Variants in NELL2 observed in about 807,000 individuals in gnomAD.
NELL2 encodes protein kinase C-binding protein NELL2.
NELL2 carries 41 observed loss-of-function variants against 109.6 expected under a neutral mutation model. That is an observed-to-expected ratio of 0.37 (90% CI 0.29 to 0.49). NELL2 has a LOEUF of 0.49. Ranked by LOEUF, NELL2 falls within the 20% of genes least tolerant of loss-of-function variation. NELL2 has a pLI of 0.98. For missense variants in NELL2, 900 were observed against 1,008.3 expected, an observed-to-expected ratio of 0.89 and a Z score of 1.45; for synonymous variants, 355 against 344.7, an observed-to-expected ratio of 1.03 and a Z score of -0.33.
chr12:44,525,510 A>G (rs1373325573), intron 16 of NELL2, among the ~76,000 whole-genome samples: 1 of 152,196 alleles, frequency 6.6e-6, no homozygotes, highest in African/African-American at 2.4e-5. Flanking sequence ...ACTGGCTCTG[A>G]CAATGCAGAA....
chr12:44,735,425 C>T (rs183320429), intron 9 of NELL2, among the ~76,000 whole-genome samples: 1 of 151,986 alleles, frequency 6.6e-6, no homozygotes, highest in East Asian at 1.9e-4. Flanking sequence ...AGGCTTGAGT[C>T]TCCCTGAAAA....
intron 2 of NELL2, among the ~76,000 whole-genome samples, chr12:44,830,210 C>T (rs1283588265): frequency 6.6e-6 from 1 of 152,094 alleles, no homozygotes; most frequent in African/African-American, 2.4e-5. Flanking sequence ...CAACCTCAGA[C>T]TCCACAAGCA....
intron 12 of NELL2, among the ~76,000 whole-genome samples, chr12:44,671,286 A>G (rs1948130429): frequency 6.6e-6 from 1 of 152,202 alleles, no homozygotes; most frequent in South Asian, 2.1e-4. Context: ...AGGATACTGT[A>G]AAAACAGCGC....
intron 15 of NELL2, among the ~76,000 whole-genome samples, chr12:44,575,368 A>G (rs894433768): frequency 2.0e-5 from 3 of 152,272 alleles, no homozygotes; most frequent in Admixed American, 2.0e-4. Context: ...AGATATTTCT[A>G]CAAACTCCTG....
At chr12:44,850,036 A>G (rs1320234106) in intron 2 of NELL2, among the ~76,000 whole-genome samples, 1 of 152,142 alleles carries the variant, frequency 6.6e-6, no homozygotes, top group African/African-American at 2.4e-5. Flanking sequence ...GTAATATGCT[A>G]AATCTTGTTT....
chr12:44,774,692 T>C (rs1400134844), intron 9 of NELL2, 55 bp downstream of exon 9: 1 of 1,397,570 alleles, frequency 7.2e-7, no homozygotes, highest in Non-Finnish European at 1.0e-6. Context: ...GAATACTTAT[T>C]AATACAGTGC....
At chr12:44,783,805 A>C (rs1942056097) in intron 3 of NELL2, among the ~76,000 whole-genome samples, 1 of 152,062 alleles carries the variant, frequency 6.6e-6, no homozygotes, top group African/African-American at 2.4e-5. Context: ...AGAGAGAAAA[A>C]CTACTAAATT....
At chr12:44,846,525 C>G (rs1471015069) in intron 2 of NELL2, among the ~76,000 whole-genome samples, 2 of 152,224 alleles carry the variant, frequency 1.3e-5, no homozygotes, top group Non-Finnish European at 2.9e-5. Flanking sequence ...AATGTTGCTA[C>G]TGCACCCTAT....
At chr12:44,560,300 T>A (rs1353898514) in intron 15 of NELL2, among the ~76,000 whole-genome samples, 1 of 152,054 alleles carries the variant, frequency 6.6e-6, no homozygotes, top group African/African-American at 2.4e-5. Flanking sequence ...ATTCAAAAGC[T>A]AGCAGAAGAC....
At chr12:44,690,316 G>A (rs1948860393) in intron 12 of NELL2, among the ~76,000 whole-genome samples, 1 of 152,096 alleles carries the variant, frequency 6.6e-6, no homozygotes, top group African/African-American at 2.4e-5. Context: ...GAATTAGATA[G>A]CCACTAAATT....
At chr12:44,572,696 A>G (rs151337777) in intron 15 of NELL2, among the ~76,000 whole-genome samples, 345 of 152,334 alleles carry the variant, frequency 2.3e-3, no homozygotes, top group African/African-American at 7.3e-3. Flanking sequence ...TTTAGACGGT[A>G]GAATGAACAA....
chr12:44,875,504 T>G (rs1193846920), intron 1 of NELL2, 151 bp from the exon 2 acceptor site: 7 of 1,613,938 alleles, frequency 4.3e-6, no homozygotes, highest in Non-Finnish European at 5.9e-6. Context: ...CCGAGAGCCT[T>G]ACCTGAGATC....
intron 12 of NELL2, among the ~76,000 whole-genome samples, chr12:44,700,013 T>C (rs1419626643): frequency 6.6e-6 from 1 of 152,160 alleles, no homozygotes; most frequent in African/African-American, 2.4e-5. Flanking sequence ...AATTGAAGTA[T>C]ATTCAACTAG....
intron 1 of NELL2, among the ~76,000 whole-genome samples, chr12:44,911,715 C>T (rs1382212621): frequency 2.0e-5 from 3 of 151,586 alleles, no homozygotes; most frequent in South Asian, 2.1e-4. Flanking sequence ...ATCCTGCCTT[C>T]GAGTCACCGA....
At chr12:44,763,961 C>T (rs931924792) in intron 9 of NELL2, among the ~76,000 whole-genome samples, 2 of 152,154 alleles carry the variant, frequency 1.3e-5, no homozygotes, top group African/African-American at 4.8e-5. Context: ...ACAGCACAAT[C>T]TTTCTCAGCA....
At chr12:44,707,621 T>C in intron 11 of NELL2, among the ~76,000 whole-genome samples, 1 of 152,264 alleles carries the variant, frequency 6.6e-6, no homozygotes, top group South Asian at 2.1e-4. Flanking sequence ...TCCTAGTGTT[T>C]CCTAAAGTGT....
At chr12:44,747,915 T>A (rs1310816499) in intron 9 of NELL2, among the ~76,000 whole-genome samples, 1 of 152,154 alleles carries the variant, frequency 6.6e-6, no homozygotes, top group Non-Finnish European at 1.5e-5. Flanking sequence ...AACAAAATCC[T>A]TCTCCCGATA....
chr12:44,717,875 G>A (rs570169869), intron 9 of NELL2, among the ~76,000 whole-genome samples: 23 of 152,174 alleles, frequency 1.5e-4, no homozygotes, highest in Admixed American at 1.3e-4. Flanking sequence ...GGAGACCAGA[G>A]TGATGCAGGC....
intron 15 of NELL2, among the ~76,000 whole-genome samples, chr12:44,582,578 C>T (rs75277233): frequency 6.6e-6 from 1 of 151,540 alleles, no homozygotes; most frequent in African/African-American, 2.4e-5. Flanking sequence ...TGAGATGAAA[C>T]GTCAGGAAGT....
Sources: gnomAD v4.1 joint callset for allele counts (sites outside exome capture counted in the v4.1 genomes callset) on GRCh38, gnomAD v4.1.1 for gene constraint, MANE v1.5 for transcripts, NCBI Gene and HGNC (gene_info 2026-07-23, HGNC 2026-07-21) for gene names.